The following MEGF11 variants were observed in gnomAD, a reference collection of about 807,000 sequenced individuals.
MEGF11 encodes the protein multiple epidermal growth factor-like domains protein 11.
MEGF11 carries 126 observed loss-of-function variants against 146.6 expected under a neutral mutation model. The ratio of observed to expected loss-of-function variants is 0.86; its 90% CI spans 0.74 to 1.00. The LOEUF is 1.00. Among genes scored for constraint, MEGF11 ranks in the 50% least tolerant of loss-of-function variants. MEGF11 has a pLI of 0.00. For missense variants in MEGF11, 1,509 were observed against 1,521.2 expected, an observed-to-expected ratio of 0.99 and a Z score of 0.13; for synonymous variants, 532 against 583.4, an observed-to-expected ratio of 0.91 and a Z score of 1.27.
rs2083290813 is a variant in MEGF11, at chr15:66,025,318, G to T, written c.395-42830C>A. Among the ~76,000 whole-genome samples the T allele has an allele frequency of 5.3e-5, 8 of 152,054 alleles. 1 individual carries two copies. In the South Asian group the frequency reaches 1.7e-3, roughly 32 times the overall value. ...CTGGTCCCAGGCTGATTCCTGAGTG[G>T]GGGGGCTCCTCGTGGTCCACTCCTG... On this transcript the variant is annotated intron_variant, in intron 5 of 25. Coordinates refer to ENST00000395614, the MANE Select transcript of MEGF11 (RefSeq NM_001385028.1).
intron 1 of MEGF11, among the ~76,000 whole-genome samples, chr15:66,170,075 T>A (rs2090205994): frequency 6.6e-6 from 1 of 152,208 alleles, no homozygotes; most frequent in African/African-American, 2.4e-5. Context: ...TGTAGCTCCT[T>A]TTGTTCATCT....
At chr15:66,147,986 A>G (rs998273203) in intron 1 of MEGF11, among the ~76,000 whole-genome samples, 2 of 152,224 alleles carry the variant, frequency 1.3e-5, no homozygotes, top group African/African-American at 4.8e-5. Context: ...ATGCATAGGA[A>G]GAATGCATGG....
intron 5 of MEGF11, among the ~76,000 whole-genome samples, chr15:65,986,962 A>T (rs1300327857): frequency 1.3e-5 from 2 of 151,218 alleles, no homozygotes; most frequent in Non-Finnish European, 2.9e-5. Context: ...AAGTGGCTAG[A>T]TTGTCTCTGG....
chr15:66,204,560 C>T (rs756696932), intron 1 of MEGF11, among the ~76,000 whole-genome samples: 3 of 152,168 alleles, frequency 2.0e-5, no homozygotes, highest in African/African-American at 2.4e-5. Context: ...AGTACAGGCC[C>T]GCCTACCTGC....
chr15:65,909,105 G>A lies in MEGF11; in HGVS notation c.2927C>T (p.Ala976Val). 2.6e-6 allele frequency: 4 copies of A among 1,535,754 alleles called. No individual in the cohort carries two copies. The highest frequency in any genetic ancestry group is 3.5e-6 in the Non-Finnish European group (4 of 1,146,668). Residue 976 changes from alanine to valine, a missense_variant, in exon 23 of 26, where the codon GCC becomes GTC. Ala to Val is a moderately conservative substitution (Grantham distance 64, BLOSUM62 0). Transcript: ENST00000395614. The part of the protein sequence containing the change: ...DSHFQISALE[A>V]RYPPEDFYIE... ...GTAGAAGTCCTCGGGCGGGTACCTGGCCTCCAGGGCACTGATCTGGAAATG... is the reference window on the plus strand; with the variant it reads ...GTAGAAGTCCTCGGGCGGGTACCTGACCTCCAGGGCACTGATCTGGAAATG...
chr15:66,082,470 T>C (rs1172289030), intron 5 of MEGF11, among the ~76,000 whole-genome samples: 1 of 44,418 alleles, frequency 2.3e-5, no homozygotes, highest in Non-Finnish European at 3.7e-5. Flanking sequence ...AAAAAAAATC[T>C]ATCTATCTAT....
At chr15:66,184,101 A>C (rs1020422319) in intron 1 of MEGF11, among the ~76,000 whole-genome samples, 2 of 152,208 alleles carry the variant, frequency 1.3e-5, no homozygotes, top group African/African-American at 4.8e-5. Flanking sequence ...GAATTAACAA[A>C]GAAAACTCTT....
At chr15:66,238,782 C>G (rs896233177) in intron 1 of MEGF11, among the ~76,000 whole-genome samples, 1 of 152,152 alleles carries the variant, frequency 6.6e-6, no homozygotes, top group African/African-American at 2.4e-5. Context: ...CCCTAACACT[C>G]TTTTTTAAAC....
intron 11 of MEGF11, among the ~76,000 whole-genome samples, chr15:65,930,401 G>A (rs1466980254): frequency 3.3e-5 from 5 of 152,070 alleles, no homozygotes; most frequent in Non-Finnish European, 5.9e-5. Context: ...AGGAGAGACA[G>A]GTGTGTCCTC....
At chr15:65,924,380 G>A (rs946583878) in intron 13 of MEGF11, among the ~76,000 whole-genome samples, 1 of 136,264 alleles carries the variant, frequency 7.3e-6, no homozygotes, top group African/African-American at 2.6e-5. Context: ...GGGTGGGGGG[G>A]GGGGCAAGTG....
At chr15:66,034,607 A>G (rs938730530) in intron 5 of MEGF11, among the ~76,000 whole-genome samples, 3 of 151,900 alleles carry the variant, frequency 2.0e-5, no homozygotes, top group African/African-American at 7.3e-5. Context: ...TTTTGTAGAG[A>G]TGGGGTCTTA....
intron 1 of MEGF11, among the ~76,000 whole-genome samples, chr15:66,215,740 G>A (rs2091566314): frequency 6.6e-6 from 1 of 152,194 alleles, no homozygotes; most frequent in Admixed American, 6.5e-5. Context: ...AATGTTGGGA[G>A]GAGATGCTCT....
chr15:66,071,895 C>T (rs184691168), intron 5 of MEGF11, among the ~76,000 whole-genome samples: 11 of 152,354 alleles, frequency 7.2e-5, no homozygotes, highest in East Asian at 3.9e-4. Context: ...ATAGGACACA[C>T]GTGCCCACCC....
At chr15:66,033,822 C>T (rs762805576) in intron 5 of MEGF11, among the ~76,000 whole-genome samples, 5 of 152,196 alleles carry the variant, frequency 3.3e-5, no homozygotes, top group Non-Finnish European at 5.9e-5. Flanking sequence ...GACGGAGTCT[C>T]GCCCTGTTGC....
intron 21 of MEGF11, among the ~76,000 whole-genome samples, chr15:65,911,761 C>T (rs752851224): frequency 6.6e-6 from 1 of 152,150 alleles, no homozygotes; most frequent in Admixed American, 6.5e-5. Context: ...GCAAAAGTGT[C>T]TACATGATTA....
At chr15:65,969,288 G>C (rs773510690) in intron 8 of MEGF11, among the ~76,000 whole-genome samples, 1 of 152,310 alleles carries the variant, frequency 6.6e-6, no homozygotes, top group African/African-American at 2.4e-5. Flanking sequence ...GACTGAAAAA[G>C]GAGTCCTGTG....
Position 65,942,001 on chromosome 15 carries a change from C to G in MEGF11, c.1288-11058G>C, listed in dbSNP as rs535589151. On this transcript the variant is annotated intron_variant, in intron 10 of 25. Coordinates refer to ENST00000395614, the MANE Select transcript of MEGF11 (RefSeq NM_001385028.1). ...TGTGCCAGGCACTTTTTTTTTCCCTCTTATCTCCTTTTGTTCTATAACAGC... is the reference window on the plus strand; with the variant it reads ...TGTGCCAGGCACTTTTTTTTTCCCTGTTATCTCCTTTTGTTCTATAACAGC... 7.2e-5 allele frequency among the ~76,000 whole-genome samples: 11 copies of G among 152,072 alleles called. No individual in the cohort carries two copies. The East Asian group carries it at 2.1e-3, about 29-fold the overall frequency.
At chr15:66,250,313 A>C (rs907625068) in intron 1 of MEGF11, among the ~76,000 whole-genome samples, 10 of 152,230 alleles carry the variant, frequency 6.6e-5, no homozygotes, top group Admixed American at 1.3e-4. Context: ...TTCACCTTGG[A>C]GCCTTGAACC....
intron 4 of MEGF11, among the ~76,000 whole-genome samples, chr15:66,096,796 C>T (rs2086572854): frequency 6.6e-6 from 1 of 152,212 alleles, no homozygotes; most frequent in Non-Finnish European, 1.5e-5. Flanking sequence ...ATCTGCCTAC[C>T]ACCTGTGCCT....
Sources: gnomAD v4.1 joint callset for allele counts (sites outside exome capture counted in the v4.1 genomes callset) on GRCh38, gnomAD v4.1.1 for gene constraint, MANE v1.5 for transcripts, NCBI Gene and HGNC (gene_info 2026-07-23, HGNC 2026-07-21) for gene names.